ITGA8: variants seen among roughly 807,000 people sequenced by gnomAD.
The protein encoded by ITGA8 is integrin alpha-8.
In ITGA8, 91 loss-of-function variants were observed where a neutral mutation model predicts 142.3. The observed-to-expected ratio is 0.64, with a 90% CI of 0.54 to 0.76. The LOEUF is 0.76. Ranked by LOEUF, ITGA8 falls within the 30% of genes least tolerant of loss-of-function variation. The pLI is 0.00. For synonymous variants in ITGA8, 505 were observed against 485.2 expected (o/e 1.04, Z -0.54); for missense variants, 1,406 against 1,327.7 (o/e 1.06, Z -0.92).
intron 28 of ITGA8, among the ~76,000 whole-genome samples, chr10:15,525,645 C>CAAAAAAA (rs374326483): frequency 1.4e-4 from 9 of 63,694 alleles, no homozygotes; most frequent in East Asian, 5.6e-4. Context: ...AACTCCATCT[C>CAAAAAAA]AAAAAAAAAA....
chr10:15,686,199 T>A (rs928912947), intron 3 of ITGA8, among the ~76,000 whole-genome samples: 2 of 152,232 alleles, frequency 1.3e-5, no homozygotes, highest in African/African-American at 4.8e-5. Context: ...AATGTATAAC[T>A]ATTTTTAGTA....
At position 15,677,592 on chromosome 10, in the gene ITGA8, C is replaced by T. The variant is rs1257559608; in HGVS notation, c.676G>A (p.Gly226Arg). 5 of 1,613,226 alleles carry T rather than the reference C, an allele frequency of 3.1e-6. No individual in the cohort carries two copies. The Admixed American group carries it at 5.0e-5, about 16-fold the overall frequency. ...TTTCTTGTCTGCCAACAGAACATAC[C>T]TTGCCAGTAGAAACTCCCAGGTCCT... ...VGGPGSFYWQGQVITASVADI... is the reference protein window; with the variant it reads ...VGGPGSFYWQRQVITASVADI... Residue 226 changes from glycine to arginine, a missense_variant and splice_region_variant, in exon 6 of 30, where the codon GGA becomes AGA. Coordinates refer to ENST00000378076, the MANE Select transcript of ITGA8 (RefSeq NM_003638.3).
intron 13 of ITGA8, among the ~76,000 whole-genome samples, chr10:15,626,217 GTTCT>G (rs1172618145): frequency 6.6e-6 from 1 of 152,128 alleles, no homozygotes; most frequent in African/African-American, 2.4e-5. Context: ...AGAGAGAGAT[GTTCT>G]TTCTTTTCTT....
chr10:15,525,355 A>G (rs942578803), intron 28 of ITGA8, among the ~76,000 whole-genome samples: 2 of 152,150 alleles, frequency 1.3e-5, no homozygotes, highest in South Asian at 4.1e-4. Flanking sequence ...GTTAAAAGGA[A>G]TAAAGGGCCA....
intron 25 of ITGA8, among the ~76,000 whole-genome samples, chr10:15,561,156 T>C (rs543845070): frequency 6.7e-6 from 1 of 148,354 alleles, no homozygotes; most frequent in South Asian, 2.1e-4. Flanking sequence ...TCCCAAAACA[T>C]TGAGATTACA....
At chr10:15,676,243 A>G (rs1263983183) in intron 6 of ITGA8, among the ~76,000 whole-genome samples, 2 of 152,092 alleles carry the variant, frequency 1.3e-5, no homozygotes, top group African/African-American at 4.8e-5. Context: ...ATCTCAGTTC[A>G]GGGTTGTTTG....
At position 15,644,118 on chromosome 10, in the gene ITGA8, C is replaced by A. The variant is rs770017413; in HGVS notation, c.1311G>T (p.Leu437=). ...CAGCATGTGAGGCCCACACTCCTTG[C>A]AGAACTTGGGAAGGCTTGGTGTTTA... ...DGLNTKPSQV[L]QGVWASHAVP... is the part of the protein sequence containing the mutation. The change falls in exon 13 of 30, where the codon CTG becomes CTT. Residue 437 remains leucine (L), a synonymous_variant. Transcript: ENST00000378076. 5.0e-6 allele frequency: 8 copies of A among 1,614,130 alleles called. No homozygotes were observed. The highest frequency in any genetic ancestry group is 5.9e-6 in the Non-Finnish European group (7 of 1,180,032).
intron 28 of ITGA8, among the ~76,000 whole-genome samples, chr10:15,530,448 A>G (rs1160826249): frequency 6.8e-6 from 1 of 147,114 alleles, no homozygotes; most frequent in East Asian, 2.1e-4. Context: ...CGGGAGGCTG[A>G]GGCAGAAGAA....
Position 15,558,080 on chromosome 10 carries a change from T to G in ITGA8, c.2760A>C (p.Lys920Asn). 6.2e-7 allele frequency: 1 copy of G among 1,613,992 alleles called. No individual in the cohort carries two copies. The highest frequency in any genetic ancestry group is 8.5e-7 in the Non-Finnish European group (1 of 1,180,020). Residue 920 changes from lysine to asparagine, a missense_variant, in exon 26 of 30, where the codon AAA becomes AAC. By Grantham distance (94) the Lys-to-Asn change is moderately conservative (BLOSUM62 0). Coordinates refer to ENST00000378076, the MANE Select transcript of ITGA8 (RefSeq NM_003638.3). ...GCACACTGGGATAACTCACCAGTATTTTTGCAGGGCTCTGTCTGTGGAATT... is the reference window on the plus strand; with the variant it reads ...GCACACTGGGATAACTCACCAGTATGTTTGCAGGGCTCTGTCTGTGGAATT... ...VVEFHRQSPA[K>N]ILNCTNIECL...
intron 13 of ITGA8, among the ~76,000 whole-genome samples, chr10:15,640,072 G>A (rs757135780): frequency 6.6e-5 from 10 of 152,196 alleles, no homozygotes; most frequent in South Asian, 2.1e-4. Context: ...CAGAGAGTCC[G>A]GGGGTAGAGG....
intron 15 of ITGA8, among the ~76,000 whole-genome samples, chr10:15,613,406 A>C (rs1455208311): frequency 6.6e-6 from 1 of 152,164 alleles, no homozygotes; most frequent in Non-Finnish European, 1.5e-5. Context: ...CCTATAGATT[A>C]GAGAAGTAGC....
chr10:15,519,484 T>A, intron 28 of ITGA8, 72 bp from the exon 29 acceptor site: 1 of 1,499,000 alleles, frequency 6.7e-7, no homozygotes, highest in Non-Finnish European at 9.2e-7. Context: ...TAATTACCAG[T>A]ACAACATCGG....
Position 15,597,214 on chromosome 10 carries a change from C to G in ITGA8, c.2204G>C (p.Gly735Ala). The G allele has an allele frequency of 6.2e-7, 1 of 1,612,490 alleles. No individual in the cohort carries two copies. The highest frequency in any genetic ancestry group is 8.5e-7 in the Non-Finnish European group (1 of 1,178,520). The change falls in exon 21 of 30, where the codon GGA becomes GCA. Residue 735 changes from glycine (G) to alanine (A), a missense_variant. By Grantham distance (60) the Gly-to-Ala change is moderately conservative (BLOSUM62 0). Transcript: ENST00000378076. The part of the protein sequence containing the change: ...VCDLGNPMVS[G>A]TNYSLGLRFA... ...TTTCTGGTTCTCTCTTACATTTGTT[C>G]CAGACACCATAGGGTTCCCAAGGTC... is the stretch of plus-strand genomic sequence containing the variant.
chr10:15,563,045 A>C (rs1834011750), intron 25 of ITGA8, among the ~76,000 whole-genome samples: 1 of 151,354 alleles, frequency 6.6e-6, no homozygotes. Flanking sequence ...AGTGTGTGGC[A>C]CTCCCTGCCC....
chr10:15,694,212 G>A (rs1345842863), intron 2 of ITGA8, among the ~76,000 whole-genome samples: 1 of 133,602 alleles, frequency 7.5e-6, no homozygotes, highest in African/African-American at 2.8e-5. Context: ...TCATATATAT[G>A]ATAACATATC....
Position 15,558,185 on chromosome 10 carries a change from C to T in ITGA8, c.2655G>A (p.Glu885=). The change falls in exon 26 of 30, where the codon GAG becomes GAA. Residue 885 remains glutamate (E), a synonymous_variant. Coordinates refer to ENST00000378076, the MANE Select transcript of ITGA8 (RefSeq NM_003638.3). ...AAAAGGCGCTGAGCTCAGGGGTGTC[C>T]TCTGGGGAGGCAGCAGGCTGCAAAA... ...PQDIKPAASP[E]DTPELSAFLR... 1 of 1,614,150 alleles carries T rather than the reference C, an allele frequency of 6.2e-7. No individual in the cohort carries two copies.
intron 8 of ITGA8, among the ~76,000 whole-genome samples, chr10:15,667,826 G>T (rs1288096231): frequency 6.2e-5 from 9 of 145,912 alleles, no homozygotes; most frequent in South Asian, 4.4e-4. Context: ...TAGTTGAGCA[G>T]TTTTGAGTGA....
At position 15,548,554 on chromosome 10, in the gene ITGA8, G is replaced by C; in HGVS notation, c.2781C>G (p.Ile927Met). The change falls in exon 27 of 30, where the codon ATC (isoleucine) becomes ATG (methionine). Residue 927 changes from isoleucine (I) to methionine (M), a missense_variant. Ile to Met is a conservative substitution (Grantham distance 10, BLOSUM62 1). Transcript: ENST00000378076. ...CTGCACAGGAGATTTGTAAACACTC[G>C]ATATTTGTACAATTCTGCAAACAGC... The part of the protein sequence containing the change: ...SPAKILNCTN[I>M]ECLQISCAVG... 6.2e-7 allele frequency: 1 copy of C among 1,609,906 alleles called. No homozygotes were observed. Among genetic ancestry groups the C allele is most frequent in the Non-Finnish European group, 8.5e-7 (1 of 1,177,794 alleles).
intron 15 of ITGA8, 151 bp downstream of exon 15, chr10:15,613,509 C>A: frequency 1.5e-6 from 1 of 673,534 alleles, no homozygotes; most frequent in Non-Finnish European, 2.7e-6. Context: ...CGGCCACAGA[C>A]CAGCAGCAGC....
Sources: allele counts gnomAD v4.1 joint callset (sites outside exome capture counted in the v4.1 genomes callset), GRCh38; gene constraint gnomAD v4.1.1; transcripts MANE v1.5; gene names NCBI Gene and HGNC (gene_info 2026-07-23, HGNC 2026-07-21).